Variants in DAB1 observed in about 807,000 individuals in gnomAD.
DAB1 encodes DAB adaptor protein 1.
Under a neutral mutation model 64.6 loss-of-function variants are expected in DAB1, and 15 were observed. The ratio of observed to expected loss-of-function variants is 0.23; its 90% CI spans 0.16 to 0.36. The LOEUF is 0.36. Among genes scored for constraint, DAB1 ranks in the 10% least tolerant of loss-of-function variants. The pLI, the probability that DAB1 is intolerant of heterozygous loss-of-function variation, is 1.00. For synonymous variants in DAB1, 235 were observed against 251.9 expected (o/e 0.93, Z 0.64); for missense variants, 596 against 706.7 (o/e 0.84, Z 1.78).
At chr1:57,519,906 C>T (rs965811517) in intron 7 of DAB1, among the ~76,000 whole-genome samples, 76 of 152,186 alleles carry the variant, frequency 5.0e-4, no homozygotes, top group African/African-American at 1.8e-3. Flanking sequence ...ATAGAGAAAA[C>T]TCTGAAATGA....
At chr1:58,276,375 C>T (rs1661443918) in intron 4 of DAB1, among the ~76,000 whole-genome samples, 1 of 152,126 alleles carries the variant, frequency 6.6e-6, no homozygotes, top group Admixed American at 6.5e-5. Flanking sequence ...GCCTCTTTTT[C>T]TCTCTGTTCC....
intron 7 of DAB1, among the ~76,000 whole-genome samples, chr1:57,643,989 C>A (rs1446986244): frequency 6.6e-6 from 1 of 152,142 alleles, no homozygotes; most frequent in Non-Finnish European, 1.5e-5. Flanking sequence ...TCTGTGGTGA[C>A]CAGACACAAA....
chr1:57,482,234 A>G (rs1358354312), intron 7 of DAB1, among the ~76,000 whole-genome samples: 2 of 152,154 alleles, frequency 1.3e-5, no homozygotes. Flanking sequence ...AGGTGCTGTG[A>G]AACATTTATA....
intron 5 of DAB1, among the ~76,000 whole-genome samples, chr1:58,110,553 A>G (rs532304626): frequency 6.6e-6 from 1 of 152,334 alleles, no homozygotes; most frequent in African/African-American, 2.4e-5. Context: ...TCTCACAAGA[A>G]GAAATTGAGG....
At chr1:58,048,267 C>T (rs918999105) in intron 5 of DAB1, 24 of 1,283,236 alleles carry the variant, frequency 1.9e-5, no homozygotes, top group African/African-American at 1.5e-4. Flanking sequence ...TGGCCTCCAC[C>T]GCCATAGGGG....
chr1:58,411,741 G>C (rs766153897), intron 3 of DAB1, among the ~76,000 whole-genome samples: 5 of 152,228 alleles, frequency 3.3e-5, no homozygotes, highest in Non-Finnish European at 7.3e-5. Flanking sequence ...TTCCTTTTCA[G>C]AGAGCTCCAT....
intron 6 of DAB1, among the ~76,000 whole-genome samples, chr1:57,718,448 C>T (rs1363303595): frequency 6.6e-6 from 1 of 152,100 alleles, no homozygotes; most frequent in African/African-American, 2.4e-5. Context: ...CACTTTCATT[C>T]CATTTTGTTT....
chr1:57,400,759 T>C (rs184206284), intron 1 of DAB1, among the ~76,000 whole-genome samples: 259 of 152,050 alleles, frequency 1.7e-3, no homozygotes, highest in African/African-American at 6.0e-3. Context: ...CAATCATAGC[T>C]TGTGCCCATC....
At chr1:57,836,589 C>T (rs1303559300) in intron 1 of DAB1, among the ~76,000 whole-genome samples, 1 of 152,146 alleles carries the variant, frequency 6.6e-6, no homozygotes, top group Non-Finnish European at 1.5e-5. Flanking sequence ...AAATGTGAAC[C>T]TTTTTGCAGT....
intron 4 of DAB1, among the ~76,000 whole-genome samples, chr1:58,156,797 G>A (rs1432084584): frequency 6.6e-6 from 1 of 152,188 alleles, no homozygotes; most frequent in Non-Finnish European, 1.5e-5. Context: ...TTTAGACTGA[G>A]AGGAAAATCA....
Position 58,422,631 on chromosome 1 carries a change from G to C in DAB1, n.258-79228C>G, listed in dbSNP as rs1644783240. ...TTTTTTTTTTTTTTTTTGAGACAGA[G>C]TCACGTTCTGTCGCCCAGGCTGGAG... On this transcript the variant is annotated intron_variant and non_coding_transcript_variant, in intron 3 of 20. Coordinates refer to the DAB1 transcript ENST00000485760. 3.5e-5 allele frequency among the ~76,000 whole-genome samples: 5 copies of C among 143,660 alleles called. No individual in the cohort carries two copies. The Admixed American group carries it at 3.5e-4, about 10-fold the overall frequency. 94.2% of individuals were successfully genotyped at this position (143,660 alleles called of 152,430 possible).
At chr1:58,318,713 C>A (rs1224321140) in intron 4 of DAB1, among the ~76,000 whole-genome samples, 2 of 152,214 alleles carry the variant, frequency 1.3e-5, no homozygotes, top group Non-Finnish European at 2.9e-5. Context: ...CTCACATCAT[C>A]TATTTGACTA....
chr1:57,817,449 T>G (rs913682556), intron 6 of DAB1, among the ~76,000 whole-genome samples: 10 of 152,186 alleles, frequency 6.6e-5, no homozygotes, highest in Admixed American at 1.3e-4. Context: ...CATCCTCGTC[T>G]CTCCATCCCC....
At chr1:57,122,452 T>C (rs1194880775) in intron 4 of DAB1, among the ~76,000 whole-genome samples, 1 of 152,204 alleles carries the variant, frequency 6.6e-6, no homozygotes, top group Non-Finnish European at 1.5e-5. Context: ...AACATGTTCA[T>C]ATACTTTCAT....
intron 4 of DAB1, among the ~76,000 whole-genome samples, chr1:57,105,609 C>A (rs1456412909): frequency 1.3e-5 from 2 of 152,154 alleles, no homozygotes; most frequent in Non-Finnish European, 2.9e-5. Flanking sequence ...TAATACCCCA[C>A]TTTTTTCCCT....
chr1:57,036,303 C>T (rs967190450), intron 9 of DAB1, among the ~76,000 whole-genome samples: 25 of 152,136 alleles, frequency 1.6e-4, no homozygotes, highest in African/African-American at 5.8e-4. Context: ...TTTTGCCCTG[C>T]TCTTGGCTAC....
intron 4 of DAB1, among the ~76,000 whole-genome samples, chr1:58,226,069 T>A (rs1357882866): frequency 6.6e-6 from 1 of 151,934 alleles, no homozygotes; most frequent in Non-Finnish European, 1.5e-5. Context: ...AGCTCTTAAT[T>A]GTGTTGAGCC....
chr1:58,199,806 A>G (rs1657899027), intron 4 of DAB1, among the ~76,000 whole-genome samples: 2 of 152,188 alleles, frequency 1.3e-5, no homozygotes, highest in East Asian at 3.8e-4. Context: ...ACCAAATATT[A>G]TTTCTTGTTC....
intron 6 of DAB1, among the ~76,000 whole-genome samples, chr1:57,731,441 T>C (rs934576625): frequency 6.6e-6 from 1 of 152,084 alleles, no homozygotes; most frequent in Non-Finnish European, 1.5e-5. Context: ...AACTGTATAA[T>C]TAAAAATGAT....
Sources: gnomAD v4.1 joint callset for allele counts (sites outside exome capture counted in the v4.1 genomes callset) on GRCh38, gnomAD v4.1.1 for gene constraint, MANE v1.5 for transcripts, NCBI Gene and HGNC (gene_info 2026-07-23, HGNC 2026-07-21) for gene names.